Variants in OTOG observed in about 807,000 individuals in gnomAD.
The protein encoded by OTOG is otogelin.
Under a neutral mutation model 313.8 loss-of-function variants are expected in OTOG, and 296 were observed. The ratio of observed to expected loss-of-function variants is 0.94; its 90% CI spans 0.86 to 1.04. The LOEUF is 1.04. Among genes scored for constraint, OTOG ranks in the 50% least tolerant of loss-of-function variants. The pLI is 0.00. For missense variants in OTOG, 3,948 were observed against 3,840.1 expected (o/e 1.03, Z -0.74); for synonymous variants, 1,533 against 1,554.9 (o/e 0.99, Z 0.33).
At chr11:17,568,480 T>C (rs1432379898) in intron 15 of OTOG, among the ~76,000 whole-genome samples, 1 of 152,266 alleles carries the variant, frequency 6.6e-6, no homozygotes, top group East Asian at 1.9e-4. Context: ...AATTGAGTAA[T>C]CAACTTTGTA....
In OTOG at chr11:17,553,401, G is replaced by T; in HGVS notation, c.422G>T (p.Arg141Leu). Residue 141 changes from arginine (R) to leucine (L), a missense_variant, in exon 6 of 56, where the codon CGG becomes CTG. Arg to Leu is a moderately radical substitution (Grantham distance 102, BLOSUM62 -2). Transcript: ENST00000399397. ...NAGPERDSIC[R>L]AWGQHHVETF... ...GGCCCTGAGAGGGACAGCATTTGCC[G>T]GGCGTGGGGGCAGCACCACGTGGAG... The T allele has an allele frequency of 6.8e-7, 1 of 1,465,648 alleles. No individual in the cohort carries two copies. The allele number at this position is 1,465,648 out of a possible 1,614,324, so 90.8% of individuals were successfully genotyped here.
chr11:17,558,521 C>T lies in OTOG; in HGVS notation c.997-17C>T. ...CTTTGCCAGCCCCTAGCCCTGGCTC[C>T]TGGTCCCTTGCTCTAGGGCGTGTAC... On this transcript the variant is annotated splice_polypyrimidine_tract_variant and intron_variant, in intron 9 of 55. Coordinates refer to ENST00000399397, the MANE Select transcript of OTOG (RefSeq NM_001292063.2). 3.2e-6 allele frequency: 5 copies of T among 1,550,368 alleles called. No individual in the cohort carries two copies. Among genetic ancestry groups the T allele is most frequent in the South Asian group, 1.2e-5 (1 of 84,058 alleles).
At chr11:17,617,425 C>T (rs72871834) in intron 39 of OTOG, among the ~76,000 whole-genome samples, 1 of 152,252 alleles carries the variant, frequency 6.6e-6, no homozygotes, top group Non-Finnish European at 1.5e-5. Context: ...AACAGTGAAG[C>T]CATCTGAGCC....
intron 23 of OTOG, among the ~76,000 whole-genome samples, chr11:17,584,877 T>C (rs1852757791): frequency 6.6e-6 from 1 of 152,234 alleles, no homozygotes; most frequent in South Asian, 2.1e-4. Context: ...CCCTTTATTT[T>C]ATAAATGTTG....
chr11:17,612,017 T>C (rs1853564491), intron 36 of OTOG, 145 bp from the exon 37 acceptor site: 6 of 965,590 alleles, frequency 6.2e-6, no homozygotes, highest in Non-Finnish European at 7.7e-6. Context: ...TGGCTTGTGG[T>C]GGGTAGGGGG....
intron 39 of OTOG, among the ~76,000 whole-genome samples, chr11:17,620,691 T>C (rs1367770075): frequency 6.6e-6 from 1 of 152,188 alleles, no homozygotes; most frequent in Non-Finnish European, 1.5e-5. Flanking sequence ...AGCAATTTGG[T>C]TATGATAGGC....
At position 17,600,872 on chromosome 11, in the gene OTOG, C is replaced by T. The variant is rs532822559; in HGVS notation, c.3709+1175C>T. Among the ~76,000 whole-genome samples the T allele has an allele frequency of 1.1e-4, 16 of 152,326 alleles. No homozygotes were observed. In the South Asian group the frequency reaches 3.3e-3, roughly 32 times the overall value. On this transcript the variant is annotated intron_variant, in intron 31 of 55. Coordinates refer to ENST00000399397, the MANE Select transcript of OTOG (RefSeq NM_001292063.2). Reference sequence around the variant, plus strand: ...TTCCACCTACCCACCCACCCACTCACCCATCCTTGCTCCGTTCTACTAGCA... The same window carrying T: ...TTCCACCTACCCACCCACCCACTCATCCATCCTTGCTCCGTTCTACTAGCA...
rs769366815 is a variant in OTOG at position 17,645,552 on chromosome 11, C to G, written c.8462-12C>G. ...TCTTGGCCACAGCTGCCTCATCCCC[C>G]TGTCCCCCCAGGTAAGGAGGATGGG... On this transcript the variant is annotated splice_polypyrimidine_tract_variant and intron_variant, in intron 54 of 55. Transcript: ENST00000399397. 1 of 1,550,110 alleles carries G rather than the reference C, an allele frequency of 6.5e-7. No individual in the cohort carries two copies. The highest frequency in any genetic ancestry group is 8.7e-7 in the Non-Finnish European group (1 of 1,146,754).
At chr11:17,590,763 C>T (rs1852912395) in intron 24 of OTOG, among the ~76,000 whole-genome samples, 1 of 152,212 alleles carries the variant, frequency 6.6e-6, no homozygotes, top group Non-Finnish European at 1.5e-5. Flanking sequence ...CCATTCTAGC[C>T]ATGTTGTCTC....
intron 3 of OTOG, among the ~76,000 whole-genome samples, chr11:17,549,822 G>A (rs1851896831): frequency 6.6e-6 from 1 of 152,142 alleles, no homozygotes; most frequent in Admixed American, 6.6e-5. Flanking sequence ...CGAGGAATTA[G>A]AATGGCCTCC....
intron 54 of OTOG, 80 bp from the exon 55 acceptor site, chr11:17,645,484 A>G: frequency 7.5e-7 from 1 of 1,333,442 alleles, no homozygotes; most frequent in Non-Finnish European, 1.0e-6. Context: ...CATGACACTA[A>G]CTGCCCTGGG....
chr11:17,583,627 T>C (rs1226864984), intron 23 of OTOG, among the ~76,000 whole-genome samples: 1 of 152,242 alleles, frequency 6.6e-6, no homozygotes, highest in Non-Finnish European at 1.5e-5. Flanking sequence ...ATTAATTGAC[T>C]GTATACACGT....
intron 45 of OTOG, 25 bp downstream of exon 45, chr11:17,634,973 T>TGGGCCGGGGGGGGGGGGGGGG: frequency 2.2e-6 from 1 of 464,520 alleles, no homozygotes. Context: ...GTGGGGAGGG[T>TGGGCCGGGGGGGGGGGGGGGG]GGGGGACGGA....
At chr11:17,576,529 C>T in intron 20 of OTOG, 27 bp from the exon 21 acceptor site, 2 of 1,538,640 alleles carry the variant, frequency 1.3e-6, no homozygotes, top group East Asian at 2.4e-5. Context: ...AGCCTGCTCA[C>T]CTTTCTTTGC....
At chr11:17,623,525 A>G (rs1310555727) in intron 39 of OTOG, among the ~76,000 whole-genome samples, 1 of 152,068 alleles carries the variant, frequency 6.6e-6, no homozygotes, top group Non-Finnish European at 1.5e-5. Flanking sequence ...TATATACTAC[A>G]TTTTCTTTAT....
At chr11:17,628,010 CA>C (rs1331552931) in intron 39 of OTOG, among the ~76,000 whole-genome samples, 1 of 151,836 alleles carries the variant, frequency 6.6e-6, no homozygotes, top group East Asian at 1.9e-4. Flanking sequence ...TTTATCTTTT[CA>C]AACAAACTTT....
chr11:17,552,529 TCCCCCACC>T, intron 4 of OTOG, among the ~76,000 whole-genome samples: 1 of 113,270 alleles, frequency 8.8e-6, no homozygotes, highest in South Asian at 2.9e-4. Flanking sequence ...TGTTCCTACC[TCCCCCACC>T]TGTCCTGTGT....
intron 27 of OTOG, 65 bp from the exon 28 acceptor site, chr11:17,593,982 C>A (rs966269688): frequency 6.5e-7 from 1 of 1,541,336 alleles, no homozygotes; most frequent in Non-Finnish European, 8.8e-7. Flanking sequence ...CTCATGGTGA[C>A]CCCTCTGCCC....
chr11:17,596,825 G>GA, intron 29 of OTOG, 26 bp from the exon 30 acceptor site: 1 of 1,545,398 alleles, frequency 6.5e-7, no homozygotes, highest in Admixed American at 2.0e-5. Context: ...TCTGTCCTCT[G>GA]ACCTCTAACT....
Sources: allele counts gnomAD v4.1 joint callset (sites outside exome capture counted in the v4.1 genomes callset), GRCh38; gene constraint gnomAD v4.1.1; transcripts MANE v1.5; gene names NCBI Gene and HGNC (gene_info 2026-07-23, HGNC 2026-07-21).